INTS9: variants seen among roughly 807,000 people sequenced by gnomAD.
The protein encoded by INTS9 is protein related to CPSF subunits of 74 kDa.
In INTS9, 55 loss-of-function variants were observed where a neutral mutation model predicts 79.7. The observed-to-expected ratio is 0.69, with a 90% confidence interval of 0.56 to 0.86. INTS9 has a LOEUF of 0.86. INTS9 is among the 40% of genes least tolerant of loss of function. The probability of loss-of-function intolerance (pLI) is 0.00; values close to 1 mark genes in which losing one functional copy is unlikely to be tolerated. For missense variants in INTS9, 721 were observed against 831.5 expected (o/e 0.87, Z 1.64); for synonymous variants, 319 against 325.2 (o/e 0.98, Z 0.20).
chr8:28,850,187 C>A, intron 3 of INTS9, 26 bp downstream of exon 3: 1 of 1,595,692 alleles, frequency 6.3e-7, no homozygotes, highest in Non-Finnish European at 8.6e-7. Context: ...TGTAGATAGG[C>A]TTTAGTTTGT....
chr8:28,864,171 T>C (rs534960845), intron 1 of INTS9, among the ~76,000 whole-genome samples: 14 of 152,302 alleles, frequency 9.2e-5, no homozygotes, highest in African/African-American at 3.4e-4. Flanking sequence ...AGTGAGACCC[T>C]GTCTGTACAA....
At chr8:28,801,892 C>A (rs1015043349) in intron 8 of INTS9, among the ~76,000 whole-genome samples, 1 of 152,170 alleles carries the variant, frequency 6.6e-6, no homozygotes, top group Non-Finnish European at 1.5e-5. Context: ...GGATTACAGG[C>A]GGGAGCCACC....
intron 9 of INTS9, 119 bp downstream of exon 9, chr8:28,796,425 C>G (rs1165004267): frequency 8.2e-6 from 5 of 611,222 alleles, no homozygotes; most frequent in African/African-American, 1.8e-5. Flanking sequence ...TGCCTCCCTC[C>G]TTTGACAACT....
At chr8:28,856,769 T>TG (rs1808188631) in intron 2 of INTS9, among the ~76,000 whole-genome samples, 1 of 152,216 alleles carries the variant, frequency 6.6e-6, no homozygotes, top group African/African-American at 2.4e-5. Flanking sequence ...GTTTGTTACC[T>TG]GGTTATATTT....
chr8:28,867,789 A>T (rs1414464000), intron 1 of INTS9, among the ~76,000 whole-genome samples: 3 of 152,034 alleles, frequency 2.0e-5, no homozygotes, highest in African/African-American at 7.3e-5. Context: ...GTCTTGTTTA[A>T]AGTAATTAAA....
chr8:28,823,821 C>T (rs766254703), intron 6 of INTS9, among the ~76,000 whole-genome samples: 2 of 152,016 alleles, frequency 1.3e-5, no homozygotes, highest in Admixed American at 6.6e-5. Context: ...CTTATATGGC[C>T]GGTGAATTGC....
At chr8:28,851,133 T>C (rs1443041441) in intron 2 of INTS9, among the ~76,000 whole-genome samples, 1 of 152,068 alleles carries the variant, frequency 6.6e-6, no homozygotes, top group African/African-American at 2.4e-5. Context: ...GGTAAAAGGA[T>C]TTCAGCACTC....
At chr8:28,859,286 A>T (rs1808328414) in intron 2 of INTS9, 150 bp downstream of exon 2, 1 of 836,668 alleles carries the variant, frequency 1.2e-6, no homozygotes, top group Admixed American at 3.0e-5. Flanking sequence ...CCATCAGCTC[A>T]GCCAAAGGAA....
chr8:28,809,435 T>C (rs1277814704), intron 8 of INTS9, among the ~76,000 whole-genome samples: 1 of 152,220 alleles, frequency 6.6e-6, no homozygotes, highest in African/African-American at 2.4e-5. Flanking sequence ...TCCCTGCCAA[T>C]TCAATACACA....
intron 8 of INTS9, among the ~76,000 whole-genome samples, chr8:28,800,878 C>T (rs1804476256): frequency 1.3e-5 from 2 of 152,302 alleles, no homozygotes; most frequent in South Asian, 2.1e-4. Context: ...AGGAAATATT[C>T]TGCAGAGAGA....
At chr8:28,775,249 G>A (rs566507663) in intron 14 of INTS9, among the ~76,000 whole-genome samples, 53 of 152,322 alleles carry the variant, frequency 3.5e-4, no homozygotes, top group African/African-American at 1.3e-3. Context: ...GTAAGGAGCA[G>A]TCCTGACTAA....
chr8:28,781,422 C>G (rs1357944271), intron 11 of INTS9, among the ~76,000 whole-genome samples: 1 of 152,200 alleles, frequency 6.6e-6, no homozygotes, highest in African/African-American at 2.4e-5. Context: ...AACAAGGACT[C>G]TCATTCACTG....
At chr8:28,808,433 C>A (rs2131026693) in intron 8 of INTS9, among the ~76,000 whole-genome samples, 2 of 152,294 alleles carry the variant, frequency 1.3e-5, no homozygotes, top group Admixed American at 1.3e-4. Flanking sequence ...ATCTGCCTGC[C>A]TTGGTCTCCC....
Position 28,776,340 on chromosome 8 carries a change from C to T in INTS9, c.1396-414G>A, listed in dbSNP as rs571368253. 1.1e-3 allele frequency: 170 copies of T among 158,180 alleles called. 1 individual carries two copies. The highest frequency in any genetic ancestry group is 1.7e-3 in the Non-Finnish European group (122 of 72,200). 9.8% of individuals were successfully genotyped at this position (158,180 alleles called of 1,614,324 possible). A position where few individuals can be genotyped will look rare whatever the true frequency, so the allele number is the denominator to read the frequency against. ...GCTGGCGCTGTGGGTTTGGAGTTTC[C>T]GCTGGATCTGCAGGTCAGCTGGTAT... On this transcript the variant is annotated intron_variant, in intron 13 of 16. Coordinates refer to ENST00000521022, the MANE Select transcript of INTS9 (RefSeq NM_018250.4).
At chr8:28,803,665 A>G (rs1804646947) in intron 8 of INTS9, among the ~76,000 whole-genome samples, 1 of 152,218 alleles carries the variant, frequency 6.6e-6, no homozygotes, top group South Asian at 2.1e-4. Context: ...TGATGACCTA[A>G]GTAAAGTTCA....
intron 15 of INTS9, among the ~76,000 whole-genome samples, chr8:28,770,772 C>T (rs1014492267): frequency 2.6e-5 from 4 of 152,232 alleles, no homozygotes; most frequent in Admixed American, 2.0e-4. Context: ...CCTCGCGTGG[C>T]AGCGCTCCCC....
At chr8:28,777,345 T>C (rs922882055) in intron 13 of INTS9, among the ~76,000 whole-genome samples, 8 of 148,082 alleles carry the variant, frequency 5.4e-5, no homozygotes, top group Non-Finnish European at 1.1e-4. Flanking sequence ...GCGCGCCTCC[T>C]GGTCTACACT....
chr8:28,772,050 G>C (rs542103578), intron 14 of INTS9, among the ~76,000 whole-genome samples: 1 of 152,018 alleles, frequency 6.6e-6, no homozygotes, highest in Non-Finnish European at 1.5e-5. Flanking sequence ...TTGTAGATAC[G>C]GGGGTCTTGC....
At chr8:28,876,072 T>G (rs973161065) in intron 1 of INTS9, among the ~76,000 whole-genome samples, 9 of 152,246 alleles carry the variant, frequency 5.9e-5, no homozygotes, top group Middle Eastern at 3.4e-3. Flanking sequence ...GATTTTTTTT[T>G]GGGGGGTGTG....
Sources: gnomAD v4.1 joint callset for allele counts (sites outside exome capture counted in the v4.1 genomes callset) on GRCh38, gnomAD v4.1.1 for gene constraint, MANE v1.5 for transcripts, NCBI Gene and HGNC (gene_info 2026-07-23, HGNC 2026-07-21) for gene names.